The following WDFY3 variants were observed in gnomAD, a reference collection of about 807,000 sequenced individuals.
WDFY3 encodes the protein WD repeat and FYVE domain-containing protein 3.
Under a neutral mutation model 409.6 loss-of-function variants are expected in WDFY3, and 66 were observed. The observed-to-expected ratio is 0.16, with a 90% CI of 0.13 to 0.20. The LOEUF (loss-of-function observed/expected upper bound fraction) is 0.20. WDFY3 is among the 10% of genes least tolerant of loss of function. The pLI is 1.00. For synonymous variants in WDFY3, 1,521 were observed against 1,537.1 expected, an observed-to-expected ratio of 0.99 and a Z score of 0.25; for missense variants, 3,031 against 4,298.1, an observed-to-expected ratio of 0.71 and a Z score of 8.24.
intron 24 of WDFY3, among the ~76,000 whole-genome samples, chr4:84,784,891 T>TATATAC (rs1238884117): frequency 5.1e-4 from 19 of 36,924 alleles, no homozygotes; most frequent in African/African-American, 1.1e-3. Context: ...TATATATATA[T>TATATAC]ACACACACAC....
chr4:84,794,312 T>C (rs1749004807), intron 21 of WDFY3, among the ~76,000 whole-genome samples: 1 of 152,190 alleles, frequency 6.6e-6, no homozygotes, highest in Non-Finnish European at 1.5e-5. Context: ...CCTTATTAGG[T>C]ACTCACTCCC....
chr4:84,828,928 C>A, intron 9 of WDFY3, 76 bp downstream of exon 9: 2 of 1,413,476 alleles, frequency 1.4e-6, no homozygotes, highest in East Asian at 2.4e-5. Flanking sequence ...TCCTATAACC[C>A]CAAATCACAT....
Position 84,678,278 on chromosome 4 carries a change from C to T in WDFY3, c.10149G>A (p.Gly3383=), listed in dbSNP as rs754466422. 1 of 1,611,862 alleles carries T rather than the reference C, an allele frequency of 6.2e-7. No homozygotes were observed. The highest frequency in any genetic ancestry group is 1.3e-5 in the African/African-American group (1 of 74,992). The part of the protein sequence containing the change: ...EVRNYSRLKP[G]YRWERQLVFR... ...ACACCAGCTGCCGTTCCCATCGGTACCCTGGAATGGAGAAGTGGAGGACAC... is the reference window on the plus strand; with the variant it reads ...ACACCAGCTGCCGTTCCCATCGGTATCCTGGAATGGAGAAGTGGAGGACAC... The change falls in exon 66 of 68, where the codon GGG becomes GGA. Residue 3383 remains glycine, a splice_region_variant and synonymous_variant. Transcript: ENST00000295888.
intron 21 of WDFY3, among the ~76,000 whole-genome samples, chr4:84,794,240 C>G (rs1456466771): frequency 6.6e-6 from 1 of 152,120 alleles, no homozygotes; most frequent in Admixed American, 6.5e-5. Flanking sequence ...TACCAAAATA[C>G]ATCAAACAAG....
chr4:84,672,723 C>G lies in WDFY3; in HGVS notation c.*145G>C, dbSNP rs1400714339. ...TCCTGTACTCTACACCCGTTTTATT[C>G]AATGATCCCTTTGAATTTTAACACT... On this transcript the variant is annotated 3_prime_UTR_variant, in exon 68 of 68. Coordinates refer to ENST00000295888, the MANE Select transcript of WDFY3 (RefSeq NM_014991.6). 8 of 1,210,846 alleles carry G rather than the reference C, an allele frequency of 6.6e-6. No individual in the cohort carries two copies. In the East Asian group the frequency reaches 1.9e-4, roughly 29 times the overall value. 75.0% of individuals were successfully genotyped at this position (1,210,846 alleles called of 1,614,324 possible).
intron 26 of WDFY3, 132 bp downstream of exon 26, chr4:84,779,975 TA>T: frequency 2.9e-6 from 3 of 1,030,774 alleles, no homozygotes; most frequent in Non-Finnish European, 4.1e-6. Flanking sequence ...TTAGTTTTCA[TA>T]AAACTACTGT....
rs149431286 is a variant in WDFY3 at position 84,763,957 on chromosome 4, C to T, written c.5188+1853G>A. Among the ~76,000 whole-genome samples the T allele has an allele frequency of 2.6e-3, 396 of 152,140 alleles. 2 individuals are homozygous for T. The highest frequency in any genetic ancestry group is 5.6e-3 in the African/African-American group (234 of 41,516). On this transcript the variant is annotated intron_variant, in intron 32 of 67. Transcript: ENST00000295888. The stretch of plus-strand genomic sequence containing the variant: ...ATTCTTAGAGAGTATTACTGCCTAG[C>T]GAAATAACCTTATGTAGTTAACAGT...
At chr4:84,768,783 A>G (rs1744128598) in intron 30 of WDFY3, among the ~76,000 whole-genome samples, 1 of 152,220 alleles carries the variant, frequency 6.6e-6, no homozygotes, top group Non-Finnish European at 1.5e-5. Flanking sequence ...AATTAACTTC[A>G]AAGTTTTATT....
chr4:84,678,047 G>A (rs1215090641), intron 66 of WDFY3, 121 bp downstream of exon 66: 3 of 486,624 alleles, frequency 6.2e-6, no homozygotes, highest in Non-Finnish European at 7.8e-6. Flanking sequence ...TTATCTCTTT[G>A]AGCTACATAC....
chr4:84,680,190 T>C (rs1210068031), intron 64 of WDFY3, among the ~76,000 whole-genome samples: 1 of 152,118 alleles, frequency 6.6e-6, no homozygotes, highest in Non-Finnish European at 1.5e-5. Context: ...CACCCAGCTA[T>C]TTTTGGATAT....
chr4:84,745,767 T>C (rs1739326877), intron 36 of WDFY3, among the ~76,000 whole-genome samples: 1 of 152,080 alleles, frequency 6.6e-6, no homozygotes, highest in Admixed American at 6.6e-5. Flanking sequence ...TTGAACAGAT[T>C]AATACAATAG....
intron 24 of WDFY3, among the ~76,000 whole-genome samples, chr4:84,783,427 G>A (rs1368761248): frequency 6.6e-6 from 1 of 152,132 alleles, no homozygotes; most frequent in African/African-American, 2.4e-5. Flanking sequence ...TGCAGTCAAC[G>A]GAGATTGTGC....
chr4:84,747,960 G>A (rs1004458932), intron 36 of WDFY3, among the ~76,000 whole-genome samples: 10 of 151,780 alleles, frequency 6.6e-5, no homozygotes, highest in East Asian at 1.9e-4. Context: ...ACCCAGTCTC[G>A]GGTATGTCTT....
At chr4:84,900,547 A>T (rs2150608033) in intron 2 of WDFY3, among the ~76,000 whole-genome samples, 1 of 152,342 alleles carries the variant, frequency 6.6e-6, no homozygotes, top group Admixed American at 6.5e-5. Flanking sequence ...AAAAACTTGG[A>T]TTATTCTCAA....
At chr4:84,902,084 T>A (rs1365065252) in intron 2 of WDFY3, among the ~76,000 whole-genome samples, 3 of 152,158 alleles carry the variant, frequency 2.0e-5, no homozygotes. Flanking sequence ...ACTCTGCTGC[T>A]CTCAAAGCTC....
Position 84,864,198 on chromosome 4 carries a change from C to G in WDFY3, c.-31-3576G>C, listed in dbSNP as rs576823779. Among the ~76,000 whole-genome samples the G allele has an allele frequency of 1.1e-3, 162 of 151,946 alleles. 2 individuals carry two copies. The highest frequency in any genetic ancestry group is 3.6e-3 in the African/African-American group (151 of 41,466). On this transcript the variant is annotated intron_variant, in intron 3 of 67. Coordinates refer to ENST00000295888, the MANE Select transcript of WDFY3 (RefSeq NM_014991.6). ...CCTGGCTAACATGGTGAAATCCTGT[C>G]TCTACTAAAAATACAAAAAATTAGC...
intron 3 of WDFY3, among the ~76,000 whole-genome samples, chr4:84,874,836 C>T (rs1762556396): frequency 6.6e-6 from 1 of 152,072 alleles, no homozygotes; most frequent in African/African-American, 2.4e-5. Flanking sequence ...TGTCTTTGTG[C>T]AAACATCAGA....
At chr4:84,910,538 A>C (rs1767620404) in intron 2 of WDFY3, among the ~76,000 whole-genome samples, 1 of 152,176 alleles carries the variant, frequency 6.6e-6, no homozygotes, top group Non-Finnish European at 1.5e-5. Context: ...GATTTTCAAC[A>C]AGAGAGCCAA....
chr4:84,723,578 T>C (rs1220742446), intron 46 of WDFY3, among the ~76,000 whole-genome samples: 1 of 152,184 alleles, frequency 6.6e-6, no homozygotes, highest in Non-Finnish European at 1.5e-5. Flanking sequence ...GTTGAACTGA[T>C]TGAATCCTCA....
Sources: gnomAD v4.1 joint callset for allele counts (sites outside exome capture counted in the v4.1 genomes callset) on GRCh38, gnomAD v4.1.1 for gene constraint, MANE v1.5 for transcripts, NCBI Gene and HGNC (gene_info 2026-07-23, HGNC 2026-07-21) for gene names.